The following PRSS23 variants were observed in gnomAD, a reference collection of about 807,000 sequenced individuals.
PRSS23 encodes the protein protease, serine 23.
Under a neutral mutation model 34.7 loss-of-function variants are expected in PRSS23, and 25 were observed. The ratio of observed to expected loss-of-function variants is 0.72; its 90% confidence interval spans 0.53 to 1.01. PRSS23 has a LOEUF of 1.01. Ranked by LOEUF, PRSS23 falls within the 50% of genes least tolerant of loss-of-function variation. The pLI, the probability that PRSS23 is intolerant of heterozygous loss-of-function variation, is 0.00. For synonymous variants in PRSS23, 176 were observed against 186.6 expected (o/e 0.94, Z 0.46); for missense variants, 445 against 475.6 (o/e 0.94, Z 0.60).
At chr11:86,807,447 T>A (rs1417783637) in intron 1 of PRSS23, among the ~76,000 whole-genome samples, 184 bp from the exon 2 acceptor site, 1 of 152,164 alleles carries the variant, frequency 6.6e-6, no homozygotes, top group Non-Finnish European at 1.5e-5. Context: ...ACAGGAACTT[T>A]CCTAAGGTTG....
intron 1 of PRSS23, among the ~76,000 whole-genome samples, chr11:86,803,619 C>G (rs1948065681): frequency 6.6e-6 from 1 of 152,126 alleles, no homozygotes; most frequent in South Asian, 2.1e-4. Context: ...GCGAATGCCT[C>G]AGGAAAGACC....
At chr11:86,883,756 TG>T (rs1199313395) in intron 2 of PRSS23, among the ~76,000 whole-genome samples, 1 of 152,234 alleles carries the variant, frequency 6.6e-6, no homozygotes, top group East Asian at 1.9e-4. Flanking sequence ...GTATCCTATA[TG>T]TTTTGGTATG....
At chr11:86,854,200 C>G (rs1948552398) in intron 2 of PRSS23, among the ~76,000 whole-genome samples, 1 of 152,132 alleles carries the variant, frequency 6.6e-6, no homozygotes, top group Admixed American at 6.5e-5. Context: ...CAGGGTTTCA[C>G]TGTGTTAGCC....
At chr11:86,811,972 C>T (rs1048987346), downstream of PRSS23, among the ~76,000 whole-genome samples, 1 of 152,160 alleles carries the variant, frequency 6.6e-6, no homozygotes, top group Non-Finnish European at 1.5e-5. Context: ...TTCATGTCTG[C>T]ACTTTTTCTT....
intron 2 of PRSS23, chr11:86,857,660 C>T: frequency 1.9e-6 from 1 of 538,816 alleles, no homozygotes; most frequent in Non-Finnish European, 3.7e-6. Context: ...CGGTCATAGG[C>T]CATCAGAGTC....
intron 2 of PRSS23, among the ~76,000 whole-genome samples, chr11:86,841,949 T>G (rs1948451854): frequency 6.6e-6 from 1 of 152,228 alleles, no homozygotes; most frequent in South Asian, 2.1e-4. Context: ...AGGATCATCC[T>G]GATACCAAAA....
intron 2 of PRSS23, among the ~76,000 whole-genome samples, chr11:86,823,781 C>T (rs1303126484): frequency 6.6e-6 from 1 of 151,856 alleles, no homozygotes; most frequent in African/African-American, 2.4e-5. Flanking sequence ...CCGAGGCGGG[C>T]GGATCACGAG....
intron 2 of PRSS23, among the ~76,000 whole-genome samples, chr11:86,827,854 A>C (rs1053558519): frequency 6.6e-6 from 1 of 152,220 alleles, no homozygotes; most frequent in Non-Finnish European, 1.5e-5. Context: ...CTGTGGTCTG[A>C]GAGACAGTTT....
chr11:86,860,908 T>C (rs1408498744), intron 2 of PRSS23, among the ~76,000 whole-genome samples: 1 of 151,888 alleles, frequency 6.6e-6, no homozygotes, highest in Non-Finnish European at 1.5e-5. Flanking sequence ...CCCTGTGATA[T>C]TGTTCTTAAT....
chr11:86,948,022 T>G (rs1369439718), intron 2 of PRSS23: 2 of 152,212 alleles, frequency 1.3e-5, no homozygotes, highest in Non-Finnish European at 2.9e-5. Flanking sequence ...CCAAAGCAGA[T>G]GTGTGGGCCC....
chr11:86,813,527 G>A (rs1434704806), downstream of PRSS23, among the ~76,000 whole-genome samples: 3 of 152,182 alleles, frequency 2.0e-5, no homozygotes, highest in African/African-American at 4.8e-5. Flanking sequence ...GAGCCCTGGT[G>A]GGGCCTAATC....
chr11:86,831,556 A>G (rs151158769), intron 2 of PRSS23, among the ~76,000 whole-genome samples: 1 of 149,126 alleles, frequency 6.7e-6, no homozygotes, highest in African/African-American at 2.5e-5. Context: ...TCTTAATATC[A>G]CCGGGGCTCT....
chr11:86,902,449 C>T (rs1488094106), intron 2 of PRSS23, among the ~76,000 whole-genome samples: 1 of 152,208 alleles, frequency 6.6e-6, no homozygotes, highest in African/African-American at 2.4e-5. Context: ...GGTCCTCACC[C>T]AAGCTTCGGC....
intron 2 of PRSS23, among the ~76,000 whole-genome samples, chr11:86,889,875 T>C (rs1948829586): frequency 6.6e-6 from 1 of 152,216 alleles, no homozygotes; most frequent in African/African-American, 2.4e-5. Context: ...TAGAATCATC[T>C]GGAGAGCTTG....
intron 2 of PRSS23, among the ~76,000 whole-genome samples, chr11:86,834,173 A>C (rs1047307075): frequency 6.6e-6 from 1 of 152,372 alleles, no homozygotes; most frequent in East Asian, 1.9e-4. Flanking sequence ...CATCTGCTTA[A>C]TAGTTTTGAA....
intron 2 of PRSS23, among the ~76,000 whole-genome samples, chr11:86,868,865 G>A (rs1401385925): frequency 6.6e-6 from 1 of 152,156 alleles, no homozygotes; most frequent in Non-Finnish European, 1.5e-5. Flanking sequence ...AGGCTGAAGT[G>A]CAGTAGTGCG....
intron 2 of PRSS23, among the ~76,000 whole-genome samples, chr11:86,883,774 T>C (rs1458750647): frequency 6.6e-6 from 1 of 152,236 alleles, no homozygotes; most frequent in East Asian, 1.9e-4. Context: ...TATGTTGTGT[T>C]TTCATTTTCA....
intron 2 of PRSS23, among the ~76,000 whole-genome samples, chr11:86,879,262 C>G (rs1948750625): frequency 6.7e-6 from 1 of 149,452 alleles, no homozygotes. Flanking sequence ...AGGAGCGCCT[C>G]TACCCAGCTG....
intron 1 of PRSS23, among the ~76,000 whole-genome samples, chr11:86,818,869 A>T (rs1180213264): frequency 6.6e-6 from 1 of 152,164 alleles, no homozygotes; most frequent in African/African-American, 2.4e-5. Flanking sequence ...GCCATTAATG[A>T]TGGTGGTGAA....
Sources: allele counts gnomAD v4.1 joint callset (sites outside exome capture counted in the v4.1 genomes callset), GRCh38; gene constraint gnomAD v4.1.1; transcripts MANE v1.5; gene names NCBI Gene and HGNC (gene_info 2026-07-23, HGNC 2026-07-21).